Variants in EYA2 observed in about 807,000 individuals in gnomAD.
EYA2 encodes EYA transcriptional coactivator and phosphatase 2.
Under a neutral mutation model 69.2 loss-of-function variants are expected in EYA2, and 31 were observed. That is an observed-to-expected ratio of 0.45 (90% CI 0.34 to 0.60). The LOEUF (loss-of-function observed/expected upper bound fraction) is 0.60, where lower values mean the gene tolerates loss of function less well. Ranked by LOEUF, EYA2 falls within the 20% of genes least tolerant of loss-of-function variation. The pLI is 0.02. For missense variants in EYA2, 622 were observed against 701.2 expected (o/e 0.89, Z 1.28); for synonymous variants, 257 against 279.4 (o/e 0.92, Z 0.80).
intron 6 of EYA2, 28 bp from the exon 7 acceptor site, chr20:47,074,130 T>A: frequency 1.3e-6 from 2 of 1,568,374 alleles, no homozygotes; most frequent in East Asian, 2.3e-5. Context: ...TCCTCACATA[T>A]GTCCTTGGTT....
intron 2 of EYA2, among the ~76,000 whole-genome samples, chr20:46,990,520 G>A (rs1048874977): frequency 3.9e-5 from 6 of 152,228 alleles, no homozygotes; most frequent in Admixed American, 2.6e-4. Flanking sequence ...CTTGCTTACA[G>A]GGGTTTGACA....
At chr20:46,904,513 A>G (rs1314680401) in intron 1 of EYA2, among the ~76,000 whole-genome samples, 1 of 152,106 alleles carries the variant, frequency 6.6e-6, no homozygotes, top group African/African-American at 2.4e-5. Context: ...CAATGGGGAC[A>G]TTGTGATTGA....
chr20:46,969,076 AT>A (rs3092441), intron 1 of EYA2, among the ~76,000 whole-genome samples: 11,182 of 151,938 alleles, frequency 0.074, 924 homozygotes, highest in African/African-American at 0.21. Flanking sequence ...GCTAGCTGGG[AT>A]TTTTTTTACC....
At chr20:47,041,407 C>T (rs1014801309) in intron 5 of EYA2, among the ~76,000 whole-genome samples, 6 of 152,250 alleles carry the variant, frequency 3.9e-5, no homozygotes, top group African/African-American at 1.4e-4. Context: ...CAGCCCCCAT[C>T]ACCAGTTTCT....
intron 9 of EYA2, among the ~76,000 whole-genome samples, chr20:47,128,659 TAGAC>T (rs1286689994): frequency 6.6e-6 from 1 of 152,192 alleles, no homozygotes; most frequent in African/African-American, 2.4e-5. Context: ...ATTCTTGAGT[TAGAC>T]AGTCCTAGAT....
chr20:47,070,291 A>G (rs749009448), intron 5 of EYA2, among the ~76,000 whole-genome samples: 4 of 152,250 alleles, frequency 2.6e-5, no homozygotes, highest in Non-Finnish European at 2.9e-5. Context: ...TAAAAAGCAC[A>G]TGAAAAATGC....
chr20:47,005,326 T>C (rs1044282209), intron 4 of EYA2, among the ~76,000 whole-genome samples: 1 of 152,264 alleles, frequency 6.6e-6, no homozygotes, highest in African/African-American at 2.4e-5. Flanking sequence ...AAATTGGGAC[T>C]GAATGATTTG....
chr20:47,063,392 C>CGTGTGCGTGTGTGTGTGTGTGTGT (rs1430441053), intron 5 of EYA2, among the ~76,000 whole-genome samples: 1 of 143,372 alleles, frequency 7.0e-6, no homozygotes, highest in Non-Finnish European at 1.5e-5. Flanking sequence ...TGTGCGTGTG[C>CGTGTGCGTGTGTGTGTGTGTGTGT]GTGTGTGTGT....
At chr20:46,983,949 T>C (rs1238216129) in intron 1 of EYA2, among the ~76,000 whole-genome samples, 2 of 152,226 alleles carry the variant, frequency 1.3e-5, no homozygotes, top group African/African-American at 2.4e-5. Context: ...ATAGCTGTTA[T>C]TTTTGATCAT....
At chr20:47,036,464 T>C (rs1230943305) in intron 5 of EYA2, among the ~76,000 whole-genome samples, 1 of 152,152 alleles carries the variant, frequency 6.6e-6, no homozygotes, top group African/African-American at 2.4e-5. Context: ...ACACGGGCAT[T>C]ATGGTCCTGC....
chr20:47,166,568 C>G (rs1001104828), intron 10 of EYA2, among the ~76,000 whole-genome samples: 4 of 151,946 alleles, frequency 2.6e-5, no homozygotes, highest in Non-Finnish European at 5.9e-5. Context: ...GCTCAGAGTC[C>G]CACGTGCTTC....
At chr20:47,060,038 A>G (rs1277322200) in intron 5 of EYA2, among the ~76,000 whole-genome samples, 1 of 152,226 alleles carries the variant, frequency 6.6e-6, no homozygotes, top group African/African-American at 2.4e-5. Flanking sequence ...CATATTTGTT[A>G]CCTGCATTTA....
chr20:47,170,662 A>G (rs1457023866), intron 11 of EYA2, among the ~76,000 whole-genome samples: 1 of 151,556 alleles, frequency 6.6e-6, no homozygotes. Context: ...AAAAAAAAAA[A>G]GAGAGACAGC....
chr20:47,172,778 T>G lies in EYA2; in HGVS notation c.1109T>G (p.Val370Gly), dbSNP rs1329895342. 4 of 1,614,124 alleles carry G rather than the reference T, an allele frequency of 2.5e-6. No individual in the cohort carries two copies. The highest frequency in any genetic ancestry group is 3.4e-6 in the Non-Finnish European group (4 of 1,180,030). ...GCCAACCTGTGCCTGGGCTCTGGCGTGCACGGCGGCGTGGACTGGATGAGG... is the reference window on the plus strand; with the variant it reads ...GCCAACCTGTGCCTGGGCTCTGGCGGGCACGGCGGCGTGGACTGGATGAGG... ...PGANLCLGSG[V>G]HGGVDWMRKL... Residue 370 changes from valine (V) to glycine (G), a missense_variant, in exon 12 of 16, where the codon GTG becomes GGG. By Grantham distance (109) the Val-to-Gly change is moderately radical. Coordinates refer to ENST00000327619, the MANE Select transcript of EYA2 (RefSeq NM_005244.5).
intron 1 of EYA2, among the ~76,000 whole-genome samples, chr20:46,924,973 C>T (rs370520472): frequency 6.6e-6 from 1 of 152,170 alleles, no homozygotes; most frequent in Non-Finnish European, 1.5e-5. Context: ...TTAGCAGAGC[C>T]GTTCTCCCTG....
At chr20:47,005,776 G>A (rs1982672095) in intron 4 of EYA2, among the ~76,000 whole-genome samples, 1 of 152,238 alleles carries the variant, frequency 6.6e-6, no homozygotes, top group East Asian at 1.9e-4. Flanking sequence ...GCCCTTGACT[G>A]TTCACATCTT....
At chr20:47,009,204 TACAC>T (rs1028749216) in intron 4 of EYA2, among the ~76,000 whole-genome samples, 12 of 152,080 alleles carry the variant, frequency 7.9e-5, no homozygotes, top group South Asian at 4.2e-4. Flanking sequence ...CACACACACA[TACAC>T]ACACACAGAA....
intron 9 of EYA2, among the ~76,000 whole-genome samples, chr20:47,110,542 G>A (rs1008181737): frequency 3.3e-5 from 5 of 152,096 alleles, no homozygotes; most frequent in East Asian, 1.9e-4. Flanking sequence ...TCTTAACCAC[G>A]TAACATGTCC....
At chr20:46,915,210 G>C (rs954383272) in intron 1 of EYA2, among the ~76,000 whole-genome samples, 1 of 152,190 alleles carries the variant, frequency 6.6e-6, no homozygotes, top group African/African-American at 2.4e-5. Flanking sequence ...CCCATTCGGG[G>C]CTGCCACGTT....
Sources: gnomAD v4.1 joint callset for allele counts (sites outside exome capture counted in the v4.1 genomes callset) on GRCh38, gnomAD v4.1.1 for gene constraint, MANE v1.5 for transcripts, NCBI Gene and HGNC (gene_info 2026-07-23, HGNC 2026-07-21) for gene names.